Variants in SI observed in about 807,000 individuals in gnomAD.
SI encodes sucrase-isomaltase, also known as sucrase-isomaltase, intestinal.
SI carries 235 observed loss-of-function variants against 253.3 expected under a neutral mutation model. The ratio of observed to expected loss-of-function variants is 0.93; its 90% CI spans 0.83 to 1.03. SI has a LOEUF of 1.03. Ranked by LOEUF, SI falls within the 50% of genes least tolerant of loss-of-function variation. The probability of loss-of-function intolerance (pLI) is 0.00; values close to 1 mark genes in which losing one functional copy is unlikely to be tolerated. For missense variants in SI, 2,442 were observed against 2,211.1 expected (o/e 1.10, Z -2.09); for synonymous variants, 819 against 712.0 (o/e 1.15, Z -2.39).
chr3:164,981,952 A>C (rs1717208949), intron 47 of SI, among the ~76,000 whole-genome samples: 1 of 152,094 alleles, frequency 6.6e-6, no homozygotes, highest in Admixed American at 6.6e-5. Flanking sequence ...TTAAAAAAGT[A>C]TTTTCTGAGG....
the SI span, among the ~76,000 whole-genome samples, chr3:165,084,828 A>G: frequency 6.6e-6 from 1 of 152,072 alleles, no homozygotes. Flanking sequence ...TTTCTCTGTA[A>G]CGGTTATTAA....
chr3:164,987,798 T>C (rs767678789), intron 44 of SI, among the ~76,000 whole-genome samples: 7 of 152,182 alleles, frequency 4.6e-5, no homozygotes, highest in Admixed American at 4.6e-4. Context: ...AGTGGCCTAA[T>C]TGAAAGTAAT....
intron 1 of SI, among the ~76,000 whole-genome samples, chr3:165,077,110 A>G (rs954510989): frequency 6.6e-6 from 1 of 151,510 alleles, no homozygotes; most frequent in South Asian, 2.1e-4. Flanking sequence ...TCATTCAATA[A>G]GTCCATCTGA....
At chr3:165,033,307 A>G (rs1460547382) in intron 23 of SI, 88 bp downstream of exon 23, 18 of 1,218,168 alleles carry the variant, frequency 1.5e-5, no homozygotes, top group African/African-American at 4.7e-5. Flanking sequence ...GCAAATGTAA[A>G]CATCTTTTCC....
intron 34 of SI, 67 bp from the exon 35 acceptor site, chr3:165,009,462 A>G: frequency 1.2e-6 from 1 of 861,672 alleles, no homozygotes; most frequent in Non-Finnish European, 2.0e-6. Context: ...TATAAATCTG[A>G]ATGTATTTGA....
At chr3:165,026,253 A>G (rs1262273680) in intron 25 of SI, among the ~76,000 whole-genome samples, 1 of 151,400 alleles carries the variant, frequency 6.6e-6, no homozygotes, top group African/African-American at 2.4e-5. Context: ...TTATAAAATG[A>G]TAAAAGGCCT....
chr3:165,069,521 A>G (rs894299632), intron 3 of SI, among the ~76,000 whole-genome samples: 1 of 152,114 alleles, frequency 6.6e-6, no homozygotes, highest in Non-Finnish European at 1.5e-5. Flanking sequence ...TGGTATTGAC[A>G]TGGAAGAACT....
intron 9 of SI, among the ~76,000 whole-genome samples, chr3:165,060,532 T>G (rs1713933440): frequency 6.6e-6 from 1 of 151,822 alleles, no homozygotes; most frequent in Non-Finnish European, 1.5e-5. Flanking sequence ...TCTGCAATGC[T>G]CCCACCCAGT....
At position 165,041,039 on chromosome 3, in the gene SI, T is replaced by C. The variant is rs1199175866; in HGVS notation, c.2060A>G (p.Gln687Arg). 6.2e-6 allele frequency: 10 copies of C among 1,612,876 alleles called. No homozygotes were observed. The highest frequency in any genetic ancestry group is 8.5e-6 in the Non-Finnish European group (10 of 1,179,200). Residue 687 changes from glutamine to arginine, a missense_variant, in exon 18 of 48, where the codon CAG becomes CGG. Gln to Arg is a conservative substitution (Grantham distance 43, BLOSUM62 1). Coordinates refer to ENST00000264382, the MANE Select transcript of SI (RefSeq NM_001041.4). ...QNSLLVKSSR[Q>R]YLTIRYTLLP... ...TAAGGTGTAGCGAATAGTTAAATAC[T>C]GCCTTGATGATTTAACCAAAAGTGA... is the stretch of plus-strand genomic sequence containing the variant.
At position 165,016,032 on chromosome 3, in the gene SI, T is replaced by C. The variant is rs200047372; in HGVS notation, c.3808A>G (p.Thr1270Ala). Residue 1270 changes from threonine to alanine, a missense_variant, in exon 32 of 48, where the codon ACA becomes GCA. By Grantham distance (58) the Thr-to-Ala change is moderately conservative. Coordinates refer to ENST00000264382, the MANE Select transcript of SI (RefSeq NM_001041.4). ...IDYMERQLDF[T>A]IGEAFQDLPQ... is the part of the protein sequence containing the mutation. ...AGGTCCTGGAATGCTTCACCAATTG[T>C]AAAGTCTAGCTGCCTTTCCATGTAG... 6.0e-5 allele frequency: 96 copies of C among 1,612,276 alleles called. No individual in the cohort carries two copies. Among genetic ancestry groups the C allele is most frequent in the Non-Finnish European group, 1.4e-5 (17 of 1,178,624 alleles).
At chr3:165,050,899 T>G (rs895363070) in intron 13 of SI, among the ~76,000 whole-genome samples, 2 of 152,068 alleles carry the variant, frequency 1.3e-5, no homozygotes, top group Admixed American at 1.3e-4. Flanking sequence ...CCCTTTAACC[T>G]TAACACTCCT....
the SI span, among the ~76,000 whole-genome samples, chr3:165,084,044 C>G: frequency 2.6e-5 from 4 of 151,922 alleles, no homozygotes; most frequent in Admixed American, 6.6e-5. Context: ...AATTCCTACC[C>G]TAAAGATGAT....
chr3:165,019,574 C>G (rs1023288862), intron 28 of SI, 28 bp downstream of exon 28: 1 of 1,606,104 alleles, frequency 6.2e-7, no homozygotes. Context: ...TTAGTTGCCT[C>G]GTGGAGTGGT....
At chr3:165,055,854 G>A (rs1713670981) in intron 12 of SI, among the ~76,000 whole-genome samples, 1 of 152,014 alleles carries the variant, frequency 6.6e-6, no homozygotes, top group Non-Finnish European at 1.5e-5. Context: ...AGATGAGGTA[G>A]GTACTGTAAT....
chr3:165,086,425 G>A, the SI span, among the ~76,000 whole-genome samples: 1 of 152,124 alleles, frequency 6.6e-6, no homozygotes, highest in African/African-American at 2.4e-5. Context: ...ACCACATCAA[G>A]ACATGCTTTA....
chr3:165,073,113 T>C (rs1438831165), intron 3 of SI, among the ~76,000 whole-genome samples: 1 of 152,010 alleles, frequency 6.6e-6, no homozygotes, highest in Non-Finnish European at 1.5e-5. Flanking sequence ...TGTTTCCCTA[T>C]AAGACCTTCA....
chr3:165,055,310 A>G lies in SI; in HGVS notation c.1399-3T>C, dbSNP rs1190068008. ...TATACTGTTAATCCTGGCCATACCT[A>G]GAAGAATAGATCATTCACATATATA... On this transcript the variant is annotated splice_region_variant and splice_polypyrimidine_tract_variant and intron_variant, in intron 12 of 47. Transcript: ENST00000264382. 2 of 1,441,512 alleles carry G rather than the reference A, an allele frequency of 1.4e-6. No individual in the cohort carries two copies. The highest frequency in any genetic ancestry group is 2.3e-5 in the East Asian group (1 of 43,684). 89.3% of individuals were successfully genotyped at this position (1,441,512 alleles called of 1,614,324 possible).
rs1172631564 is a variant in SI, at chr3:164,998,420, T to C, written c.4540+120A>G. On this transcript the variant is annotated intron_variant, in intron 38 of 47. Coordinates refer to ENST00000264382, the MANE Select transcript of SI (RefSeq NM_001041.4). ...TGTCTTTTTCTGATGCTATATGACA[T>C]AAAGTACGATGTGAAGAACAAAATT... The C allele has an allele frequency of 2.1e-5, 21 of 1,020,022 alleles. No individual in the cohort carries two copies. In the East Asian group the frequency reaches 5.2e-4, roughly 25 times the overall value. 63.2% of individuals were successfully genotyped at this position (1,020,022 alleles called of 1,614,324 possible). A position where few individuals can be genotyped will look rare whatever the true frequency, so the allele number is the denominator to read the frequency against.
In SI at chr3:165,036,393, A is replaced by T. The variant is rs376490211; in HGVS notation, c.2511T>A (p.Thr837=). 6.2e-7 allele frequency: 1 copy of T among 1,604,738 alleles called. No individual in the cohort carries two copies. The highest frequency in any genetic ancestry group is 1.7e-5 in the Admixed American group (1 of 59,772). The part of the protein sequence containing the change: ...KGDFFWDDGE[T]KDTIQNGNYI... ...GCGTATTACTTTCAGACTTACCTTT[A>T]GTTTCTCCATCATCCCAGAAAAAGT... Residue 837 remains threonine, a synonymous_variant, in exon 22 of 48, where the codon ACT becomes ACA. Coordinates refer to ENST00000264382, the MANE Select transcript of SI (RefSeq NM_001041.4).
Sources: gnomAD v4.1 joint callset for allele counts (sites outside exome capture counted in the v4.1 genomes callset) on GRCh38, gnomAD v4.1.1 for gene constraint, MANE v1.5 for transcripts, NCBI Gene and HGNC (gene_info 2026-07-23, HGNC 2026-07-21) for gene names.